Variants in KIAA1217 observed in about 807,000 individuals in gnomAD.
KIAA1217 encodes the protein sickle tail protein homolog.
A neutral mutation model predicts 163.9 loss-of-function variants in KIAA1217; 88 were observed. The ratio of observed to expected loss-of-function variants is 0.54; its 90% CI spans 0.45 to 0.64. The LOEUF (loss-of-function observed/expected upper bound fraction) is 0.64, where lower values mean the gene tolerates loss of function less well. KIAA1217 is among the 30% of genes least tolerant of loss of function. The probability of loss-of-function intolerance (pLI) is 0.00; values close to 1 mark genes in which losing one functional copy is unlikely to be tolerated. For synonymous variants in KIAA1217, 903 were observed against 923.1 expected (o/e 0.98, Z 0.39); for missense variants, 2,372 against 2,475.0 (o/e 0.96, Z 0.88).
chr10:24,527,129 G>A (rs1239710425), intron 13 of KIAA1217, among the ~76,000 whole-genome samples: 3 of 151,892 alleles, frequency 2.0e-5, no homozygotes, highest in African/African-American at 7.2e-5. Context: ...ACTTAAAGGA[G>A]TTTACAGGTC....
At chr10:24,093,387 G>A (rs2062016521) in intron 2 of KIAA1217, among the ~76,000 whole-genome samples, 1 of 151,536 alleles carries the variant, frequency 6.6e-6, no homozygotes, top group Non-Finnish European at 1.5e-5. Flanking sequence ...TGCCAGGCTG[G>A]TCTTGAACTC....
intron 10 of KIAA1217, among the ~76,000 whole-genome samples, chr10:24,519,669 A>T (rs1476174971): frequency 2.6e-5 from 4 of 152,106 alleles, no homozygotes; most frequent in African/African-American, 9.7e-5. Context: ...ACAGCCCAAA[A>T]TGTCAAATGC....
At chr10:24,408,072 T>C (rs1441728559) in intron 3 of KIAA1217, among the ~76,000 whole-genome samples, 3 of 152,206 alleles carry the variant, frequency 2.0e-5, no homozygotes, top group Non-Finnish European at 4.4e-5. Context: ...CCTGGGATCA[T>C]GTCCCAGCTC....
At chr10:24,320,036 C>G (rs985560398) in intron 2 of KIAA1217, among the ~76,000 whole-genome samples, 5 of 152,042 alleles carry the variant, frequency 3.3e-5, no homozygotes, top group Non-Finnish European at 5.9e-5. Flanking sequence ...CAATTACCAT[C>G]GTCTAGTAAC....
At chr10:23,931,996 C>A (rs1038051429) in intron 1 of KIAA1217, among the ~76,000 whole-genome samples, 1 of 152,186 alleles carries the variant, frequency 6.6e-6, no homozygotes, top group African/African-American at 2.4e-5. Flanking sequence ...AGAGCTGTGG[C>A]AGTTGGTAAA....
intron 3 of KIAA1217, among the ~76,000 whole-genome samples, chr10:24,390,648 A>G (rs1349255156): frequency 1.3e-5 from 2 of 152,188 alleles, no homozygotes; most frequent in African/African-American, 4.8e-5. Flanking sequence ...ATTTGCCAAA[A>G]CATTCTCTTA....
chr10:24,186,851 C>T (rs1292389102), intron 2 of KIAA1217, among the ~76,000 whole-genome samples: 1 of 152,096 alleles, frequency 6.6e-6, no homozygotes, highest in African/African-American at 2.4e-5. Context: ...GACGGTGGCA[C>T]TGCACTCCAG....
chr10:23,907,586 G>A (rs1353294747), intron 1 of KIAA1217, among the ~76,000 whole-genome samples: 1 of 152,088 alleles, frequency 6.6e-6, no homozygotes, highest in East Asian at 1.9e-4. Flanking sequence ...GGCAGGAGAA[G>A]ATGGATGTCC....
At chr10:23,944,991 G>A (rs542152014) in intron 1 of KIAA1217, among the ~76,000 whole-genome samples, 1 of 151,324 alleles carries the variant, frequency 6.6e-6, no homozygotes, top group East Asian at 1.9e-4. Context: ...CCTGGGAGGC[G>A]GAGGTTGCAG....
intron 2 of KIAA1217, among the ~76,000 whole-genome samples, chr10:24,182,543 T>C (rs1270924411): frequency 6.6e-6 from 1 of 152,148 alleles, no homozygotes; most frequent in Non-Finnish European, 1.5e-5. Context: ...TGTTATGAAG[T>C]GATTTGAGTC....
At chr10:24,370,153 T>C (rs1252278683) in intron 2 of KIAA1217, among the ~76,000 whole-genome samples, 1 of 150,690 alleles carries the variant, frequency 6.6e-6, no homozygotes, top group African/African-American at 2.4e-5. Context: ...TAGTCCCAGC[T>C]ACTCGGGAGG....
intron 4 of KIAA1217, among the ~76,000 whole-genome samples, chr10:24,434,365 T>C (rs898562927): frequency 1.6e-4 from 24 of 152,124 alleles, no homozygotes; most frequent in Admixed American, 1.3e-3. Context: ...GAAGACAGGG[T>C]CTTGCTCTGT....
At chr10:24,362,293 A>G (rs2050133555) in intron 2 of KIAA1217, among the ~76,000 whole-genome samples, 1 of 152,230 alleles carries the variant, frequency 6.6e-6, no homozygotes, top group Admixed American at 6.5e-5. Context: ...CTTCCAAAGC[A>G]GAAGACAGTA....
intron 1 of KIAA1217, among the ~76,000 whole-genome samples, chr10:24,212,835 C>A (rs1355661280): frequency 6.6e-6 from 1 of 152,184 alleles, no homozygotes; most frequent in Non-Finnish European, 1.5e-5. Flanking sequence ...CAGCACCTAA[C>A]AGAGCACTGG....
chr10:24,175,443 ATG>A (rs137918207), intron 2 of KIAA1217, among the ~76,000 whole-genome samples: 3,266 of 149,916 alleles, frequency 0.022, 37 homozygotes, highest in East Asian at 0.069. Context: ...GTGTATATAT[ATG>A]TGTGTGTGTG....
At chr10:23,726,484 T>C (rs1441567774) in intron 1 of KIAA1217, among the ~76,000 whole-genome samples, 2 of 152,112 alleles carry the variant, frequency 1.3e-5, no homozygotes, top group Non-Finnish European at 2.9e-5. Flanking sequence ...ATTCAGGACA[T>C]AGGCATGGGC....
At chr10:23,959,936 G>A (rs151190240) in intron 1 of KIAA1217, among the ~76,000 whole-genome samples, 2,176 of 121,898 alleles carry the variant, frequency 0.018, 60 homozygotes, top group African/African-American at 0.066. Context: ...TTTTTTTTGA[G>A]ACAGAGTCTC....
chr10:24,467,677 T>G (rs1422904883), intron 5 of KIAA1217, among the ~76,000 whole-genome samples: 1 of 152,222 alleles, frequency 6.6e-6, no homozygotes, highest in African/African-American at 2.4e-5. Context: ...TGGTACAACA[T>G]AGCTAGTTAC....
At chr10:24,511,179 C>T (rs1357575993) in intron 9 of KIAA1217, among the ~76,000 whole-genome samples, 2 of 62,222 alleles carry the variant, frequency 3.2e-5, no homozygotes, top group Non-Finnish European at 7.2e-5. Flanking sequence ...AAAAAGGAGC[C>T]TGGCCCCTAT....
Sources: allele counts gnomAD v4.1 joint callset (sites outside exome capture counted in the v4.1 genomes callset), GRCh38; gene constraint gnomAD v4.1.1; transcripts MANE v1.5; gene names NCBI Gene and HGNC (gene_info 2026-07-23, HGNC 2026-07-21).